The following FUT8 variants were observed in gnomAD, a reference collection of about 807,000 sequenced individuals.
FUT8 encodes the protein alpha-(1,6)-fucosyltransferase.
In FUT8, 29 loss-of-function variants were observed where a neutral mutation model predicts 71.3. The observed-to-expected ratio is 0.41, with a 90% CI of 0.30 to 0.55. The LOEUF is 0.55. FUT8 is among the 20% of genes least tolerant of loss of function. The pLI, the probability that FUT8 is intolerant of heterozygous loss-of-function variation, is 0.34. For missense variants in FUT8, 544 were observed against 702.1 expected (o/e 0.77, Z 2.55); for synonymous variants, 254 against 239.3 (o/e 1.06, Z -0.57).
At chr14:65,642,778 A>G (rs985037405) in intron 6 of FUT8, among the ~76,000 whole-genome samples, 3 of 151,824 alleles carry the variant, frequency 2.0e-5, no homozygotes, top group Non-Finnish European at 2.9e-5. Context: ...TTGCATTTTC[A>G]TTTAAATTTT....
chr14:65,429,190 A>C (rs1204132111), intron 1 of FUT8, among the ~76,000 whole-genome samples: 1 of 152,228 alleles, frequency 6.6e-6, no homozygotes, highest in Admixed American at 6.5e-5. Flanking sequence ...AAATTTAAAA[A>C]TCAGTGTTGT....
chr14:65,507,007 T>C (rs1442878589), intron 2 of FUT8, among the ~76,000 whole-genome samples: 1 of 152,216 alleles, frequency 6.6e-6, no homozygotes, highest in African/African-American at 2.4e-5. Flanking sequence ...GTTGTGACCA[T>C]GACCTCGATC....
chr14:65,461,451 T>G (rs905056104), intron 2 of FUT8, among the ~76,000 whole-genome samples: 2 of 152,188 alleles, frequency 1.3e-5, no homozygotes, highest in African/African-American at 4.8e-5. Context: ...AGTTTCAGTC[T>G]TCAGTGCCCA....
intron 2 of FUT8, among the ~76,000 whole-genome samples, chr14:65,536,927 C>G (rs1442234492): frequency 6.6e-6 from 1 of 150,966 alleles, no homozygotes; most frequent in Non-Finnish European, 1.5e-5. Context: ...CCCATATTTC[C>G]TGGAGGTTTT....
intron 6 of FUT8, among the ~76,000 whole-genome samples, chr14:65,659,796 T>G (rs1891871896): frequency 6.6e-6 from 1 of 152,096 alleles, no homozygotes. Flanking sequence ...CTCACTCCCT[T>G]TTTGAAAAGA....
chr14:65,395,964 C>T, the FUT8 span, among the ~76,000 whole-genome samples: 1 of 152,226 alleles, frequency 6.6e-6, no homozygotes, highest in Non-Finnish European at 1.5e-5. Context: ...TCATCTTCCT[C>T]AAGTTCAAAG....
At chr14:65,381,410 G>A in the FUT8 span, among the ~76,000 whole-genome samples, 1 of 152,216 alleles carries the variant, frequency 6.6e-6, no homozygotes, top group Non-Finnish European at 1.5e-5. Flanking sequence ...CTAGATGGCT[G>A]AAAGTGGACA....
intron 7 of FUT8, among the ~76,000 whole-genome samples, chr14:65,673,255 G>A (rs533286325): frequency 1.2e-4 from 19 of 152,274 alleles, no homozygotes; most frequent in African/African-American, 4.3e-4. Flanking sequence ...TAGTCAAAGA[G>A]TTTTATTTGA....
intron 3 of FUT8, among the ~76,000 whole-genome samples, chr14:65,598,198 T>C (rs546433320): frequency 3.9e-5 from 6 of 152,280 alleles, no homozygotes; most frequent in African/African-American, 1.4e-4. Flanking sequence ...GTAACAGTCA[T>C]ACAGTTTGGC....
At chr14:65,740,165 T>A (rs544288940) in intron 10 of FUT8, among the ~76,000 whole-genome samples, 1 of 152,172 alleles carries the variant, frequency 6.6e-6, no homozygotes, top group East Asian at 1.9e-4. Flanking sequence ...TGATCTCAAT[T>A]GTAAAATGAC....
intron 3 of FUT8, among the ~76,000 whole-genome samples, chr14:65,611,248 CACACACACA>C (rs1888941569): frequency 2.2e-5 from 1 of 44,846 alleles, no homozygotes; most frequent in African/African-American, 1.1e-4. Flanking sequence ...CACACACACA[CACACACACA>C]CACACACACA....
At chr14:65,599,307 T>C (rs1197310971) in intron 3 of FUT8, among the ~76,000 whole-genome samples, 1 of 152,198 alleles carries the variant, frequency 6.6e-6, no homozygotes, top group African/African-American at 2.4e-5. Flanking sequence ...CATTGAGCAT[T>C]ACCATGTTTC....
In FUT8 at chr14:65,603,928, G is replaced by A. The variant is rs1259565994; in HGVS notation, c.204-12050G>A. ...GTGGAAAAAGACATTTCATGCAAAT[G>A]GACACCCAAAGCGAGCAGGAGTAGC... On this transcript the variant is annotated intron_variant, in intron 3 of 10. Coordinates refer to ENST00000673929, the MANE Select transcript of FUT8 (RefSeq NM_001371533.1). The surrounding 1 kb of genome is among the most constrained non-coding windows in gnomAD (Gnocchi z 4.5). Among the ~76,000 whole-genome samples the A allele has an allele frequency of 6.6e-6, 1 of 151,650 alleles. No homozygotes were observed. Among genetic ancestry groups the A allele is most frequent in the Admixed American group, 6.6e-5 (1 of 15,170 alleles).
At chr14:65,465,764 G>A (rs1226286524) in intron 2 of FUT8, among the ~76,000 whole-genome samples, 1 of 152,100 alleles carries the variant, frequency 6.6e-6, no homozygotes. Context: ...TGGATGAAGT[G>A]TTCTATAAAT....
chr14:65,712,975 C>T (rs1223308955), intron 7 of FUT8, among the ~76,000 whole-genome samples: 1 of 152,008 alleles, frequency 6.6e-6, no homozygotes, highest in Non-Finnish European at 1.5e-5. Flanking sequence ...CTGTAGTCAC[C>T]CTGCTGTGCT....
At position 65,556,419 on chromosome 14, in the gene FUT8, C is replaced by T. The variant is rs557023944; in HGVS notation, c.-227-4918C>T. 7.2e-5 allele frequency among the ~76,000 whole-genome samples: 11 copies of T among 152,282 alleles called. No homozygotes were observed. In the East Asian group the frequency reaches 1.5e-3, roughly 21 times the overall value. Reference sequence around the variant, plus strand: ...CTTAGGACTGAGCACTTTAAATCTTCGTTGGCTGTTGTCTGAAGGCTGCCC... The same window carrying T: ...CTTAGGACTGAGCACTTTAAATCTTTGTTGGCTGTTGTCTGAAGGCTGCCC... On this transcript the variant is annotated intron_variant, in intron 2 of 10. Coordinates refer to ENST00000673929, the MANE Select transcript of FUT8 (RefSeq NM_001371533.1).
chr14:65,508,569 C>G (rs180824577), intron 2 of FUT8, among the ~76,000 whole-genome samples: 2 of 119,050 alleles, frequency 1.7e-5, no homozygotes, highest in South Asian at 6.1e-4. Flanking sequence ...GGCATAATCT[C>G]GGCTCACTAC....
rs1293043776 is a variant in FUT8 at position 65,541,242 on chromosome 14, G to C, written c.-227-20095G>C. 2.0e-5 allele frequency among the ~76,000 whole-genome samples: 3 copies of C among 152,094 alleles called. No individual in the cohort carries two copies. In the South Asian group the frequency reaches 6.2e-4, roughly 32 times the overall value. On this transcript the variant is annotated intron_variant, in intron 2 of 10. Transcript: ENST00000673929. ...TAATATAAAGATGCGTAATTGTCAG[G>C]GTTGTCTAGAGAAACAGTACCAATA... is the stretch of plus-strand genomic sequence containing the variant.
chr14:65,532,113 T>A (rs1215521875), intron 2 of FUT8, among the ~76,000 whole-genome samples: 2 of 152,292 alleles, frequency 1.3e-5, no homozygotes, highest in Admixed American at 6.5e-5. Context: ...ATAGAATGAT[T>A]TATGTTCTTT....
Sources: allele counts gnomAD v4.1 joint callset (sites outside exome capture counted in the v4.1 genomes callset), GRCh38; gene constraint gnomAD v4.1.1; non-coding constraint Gnocchi (gnomAD v3.1); transcripts MANE v1.5; gene names NCBI Gene and HGNC (gene_info 2026-07-23, HGNC 2026-07-21).